The following E2F2 variants were observed in gnomAD, a reference collection of about 807,000 sequenced individuals.
E2F2 encodes transcription factor E2F2.
E2F2 carries 22 observed loss-of-function variants against 42.2 expected under a neutral mutation model. That is an observed-to-expected ratio of 0.52 (90% CI 0.37 to 0.74). E2F2 has a LOEUF of 0.74. Ranked by LOEUF, E2F2 falls within the 30% of genes least tolerant of loss-of-function variation. The pLI is 0.00. For synonymous variants in E2F2, 248 were observed against 251.6 expected (o/e 0.99, Z 0.13); for missense variants, 481 against 557.8 (o/e 0.86, Z 1.39).
At position 23,530,004 on chromosome 1, in the gene E2F2, G is replaced by C. The variant is rs925844520; in HGVS notation, c.252+538C>G. ...TGCTACATGGCTGTCTGGGAGGGAA[G>C]ACTGGGCCTGGGGGAGGACCTAGGG... On this transcript the variant is annotated intron_variant, in intron 1 of 6. Coordinates refer to ENST00000361729, the MANE Select transcript of E2F2 (RefSeq NM_004091.4). This position sits in a 1 kb window ranked among gnomAD's most constrained non-coding sequence, Gnocchi z 4.4. Among the ~76,000 whole-genome samples the C allele has an allele frequency of 4.0e-4, 61 of 152,340 alleles. No individual in the cohort carries two copies. The highest frequency in any genetic ancestry group is 3.4e-3 in the Middle Eastern group (1 of 294).
Position 23,509,989 on chromosome 1 carries a change from C to T in E2F2, c.1205G>A (p.Ser402Asn). ...GTCCTGGTCCAAGGATGGGGAGAAG[C>T]TGATCAGAGGGGAGCTGCACGCCAG... ...PTLACSSPLI[S>N]FSPSLDQDDY... Residue 402 changes from serine (S) to asparagine (N), a missense_variant, in exon 7 of 7, where the codon AGC (serine) becomes AAC (asparagine). Physicochemically the swap from Ser to Asn is conservative, Grantham distance 46. Transcript: ENST00000361729. The T allele has an allele frequency of 6.2e-7, 1 of 1,613,570 alleles. No individual in the cohort carries two copies. The highest frequency in any genetic ancestry group is 8.5e-7 in the Non-Finnish European group (1 of 1,179,798).
chr1:23,513,508 G>A (rs530736723), intron 6 of E2F2, among the ~76,000 whole-genome samples: 17 of 151,592 alleles, frequency 1.1e-4, no homozygotes, highest in Admixed American at 3.3e-4. Flanking sequence ...TCTCTTACAT[G>A]GCTTCTGGCA....
chr1:23,510,240 C>G (rs1450062876), intron 6 of E2F2, 92 bp from the exon 7 acceptor site: 1 of 1,436,092 alleles, frequency 7.0e-7, no homozygotes. Context: ...ATGACTGCAC[C>G]CTTCTTCTCT....
At chr1:23,524,266 C>G (rs1000825324) in intron 2 of E2F2, 117 bp downstream of exon 2, 2 of 790,272 alleles carry the variant, frequency 2.5e-6, no homozygotes, top group South Asian at 4.3e-5. Flanking sequence ...TAATAAAATA[C>G]GCAGGAAGCT....
intron 5 of E2F2, among the ~76,000 whole-genome samples, chr1:23,517,728 G>A (rs2811973): frequency 1.4e-3 from 220 of 152,310 alleles, no homozygotes; most frequent in African/African-American, 4.0e-3. Flanking sequence ...TAAAGGCAGC[G>A]GAAAAGCACA....
chr1:23,528,339 C>G (rs534155600), intron 1 of E2F2, among the ~76,000 whole-genome samples: 4 of 152,190 alleles, frequency 2.6e-5, no homozygotes, highest in Non-Finnish European at 5.9e-5. Context: ...ACTTTGCAGC[C>G]CGGCCACAAA....
chr1:23,527,531 G>C (rs1643271549), intron 1 of E2F2, among the ~76,000 whole-genome samples: 1 of 152,230 alleles, frequency 6.6e-6, no homozygotes. Flanking sequence ...AGATCACCAG[G>C]CACAACCCCC....
Position 23,531,066 on chromosome 1 carries a change from C to T in E2F2, c.-273G>A. On this transcript the variant is annotated 5_prime_UTR_variant, in exon 1 of 7. Coordinates refer to ENST00000361729, the MANE Select transcript of E2F2 (RefSeq NM_004091.4). ...GTCCCGAGGGCACCGCGACCCGGGACGCCCCGCGCTCCCCAAGGCCTCGGC... is the reference window on the plus strand; with the variant it reads ...GTCCCGAGGGCACCGCGACCCGGGATGCCCCGCGCTCCCCAAGGCCTCGGC... The T allele has an allele frequency of 2.8e-6, 1 of 361,800 alleles. No homozygotes were observed. Among genetic ancestry groups the T allele is most frequent in the South Asian group, 1.1e-4 (1 of 9,162 alleles). The allele number at this position is 361,800 out of a possible 1,614,324, so 22.4% of individuals were successfully genotyped here.
chr1:23,527,251 C>T (rs759465972), intron 1 of E2F2, among the ~76,000 whole-genome samples: 1 of 152,228 alleles, frequency 6.6e-6, no homozygotes, highest in Non-Finnish European at 1.5e-5. Flanking sequence ...GGAGTGCCCC[C>T]ACCAGGGAGC....
At chr1:23,519,550 C>T (rs1234508356) in intron 4 of E2F2, among the ~76,000 whole-genome samples, 1 of 152,222 alleles carries the variant, frequency 6.6e-6, no homozygotes, top group African/African-American at 2.4e-5. Context: ...AGAGCCTTAG[C>T]AAAGTCCATG....
At chr1:23,519,935 G>A (rs1294263032) in intron 4 of E2F2, among the ~76,000 whole-genome samples, 16 of 151,946 alleles carry the variant, frequency 1.1e-4, no homozygotes, top group Non-Finnish European at 2.2e-4. Context: ...AAAATTAGCC[G>A]GGTGTGGTGG....
chr1:23,509,097 T>C lies in E2F2; in HGVS notation c.*783A>G, dbSNP rs1368627539. ...GGACTTCCTCAGGAAAGGGGTCTCC[T>C]GAGCAGGTGGCTCCTGTTTCCACAG... On this transcript the variant is annotated 3_prime_UTR_variant, in exon 7 of 7. Coordinates refer to ENST00000361729, the MANE Select transcript of E2F2 (RefSeq NM_004091.4). 1 of 152,136 alleles carries C rather than the reference T, an allele frequency of 6.6e-6. No individual in the cohort carries two copies. The highest frequency in any genetic ancestry group is 2.4e-5 in the African/African-American group (1 of 41,426). The allele number at this position is 152,136 out of a possible 1,614,324, so 9.4% of individuals were successfully genotyped here. A position where few individuals can be genotyped will look rare whatever the true frequency, so the allele number is the denominator to read the frequency against.
intron 5 of E2F2, among the ~76,000 whole-genome samples, chr1:23,517,869 A>G (rs963849837): frequency 6.6e-6 from 1 of 152,194 alleles, no homozygotes; most frequent in African/African-American, 2.4e-5. Context: ...GGGGAAGAGC[A>G]TGTATGAGGG....
downstream of E2F2, among the ~76,000 whole-genome samples, chr1:23,505,544 G>A (rs1028815644): frequency 3.9e-5 from 6 of 152,020 alleles, no homozygotes; most frequent in Middle Eastern, 6.8e-3. Flanking sequence ...ACGGAGTCTC[G>A]CTCTGTTGCC....
rs1170552614 is a variant in E2F2 at position 23,506,943 on chromosome 1, G to C, written c.*2937C>G. 6.6e-6 allele frequency: 1 copy of C among 152,230 alleles called. No individual in the cohort carries two copies. 9.4% of individuals were successfully genotyped at this position (152,230 alleles called of 1,614,324 possible). On this transcript the variant is annotated 3_prime_UTR_variant, in exon 7 of 7. Coordinates refer to ENST00000361729, the MANE Select transcript of E2F2 (RefSeq NM_004091.4). ...CTTCCTCCCTGAAGGCACACCAGCC[G>C]ATCCCATTACTGTGGAAAAGGGACA...
chr1:23,521,039 G>A lies in E2F2; in HGVS notation c.611C>T (p.Pro204Leu). 1.9e-6 allele frequency: 3 copies of A among 1,613,206 alleles called. No homozygotes were observed. Among genetic ancestry groups the A allele is most frequent in the Non-Finnish European group, 2.5e-6 (3 of 1,179,576 alleles). The stretch of plus-strand genomic sequence containing the variant: ...CTGCCCCAGCTGTTGCTGCTTCCCA[G>A]GTCTGGTGGGGTCTTCAAACATTCC... ...GRGMFEDPTR[P>L]GKQQQLGQEL... is the part of the protein sequence containing the mutation. Residue 204 changes from proline (P) to leucine (L), a missense_variant, in exon 4 of 7, where the codon CCT becomes CTT. By Grantham distance (98) the Pro-to-Leu change is moderately conservative (BLOSUM62 -3). Coordinates refer to ENST00000361729, the MANE Select transcript of E2F2 (RefSeq NM_004091.4).
At chr1:23,522,331 A>G (rs187384471) in intron 2 of E2F2, among the ~76,000 whole-genome samples, 19 of 152,370 alleles carry the variant, frequency 1.2e-4, no homozygotes, top group Admixed American at 1.2e-3. Context: ...ACCACAGCTT[A>G]GGGCTGCCAG....
intron 2 of E2F2, 85 bp downstream of exon 2, chr1:23,524,298 C>T: frequency 2.9e-6 from 3 of 1,052,318 alleles, no homozygotes; most frequent in Non-Finnish European, 4.0e-6. Context: ...GAAAGTGATC[C>T]AAATATGACT....
rs1362402170 is a variant in E2F2, at chr1:23,516,264, C to T, written c.1045+71G>A. 2.9e-6 allele frequency: 4 copies of T among 1,399,860 alleles called. No individual in the cohort carries two copies. In the Admixed American group the frequency reaches 1.0e-4, roughly 36 times the overall value. The allele number at this position is 1,399,860 out of a possible 1,614,324, so 86.7% of individuals were successfully genotyped here. On this transcript the variant is annotated intron_variant, in intron 6 of 6. Coordinates refer to ENST00000361729, the MANE Select transcript of E2F2 (RefSeq NM_004091.4). Reference sequence around the variant, plus strand: ...GATAAAACAGGAGGTTTTCAACAAACATTGATATAGAAGAGAAAACTAAGG... The same window carrying T: ...GATAAAACAGGAGGTTTTCAACAAATATTGATATAGAAGAGAAAACTAAGG...
Sources: gnomAD v4.1 joint callset for allele counts (sites outside exome capture counted in the v4.1 genomes callset) on GRCh38, gnomAD v4.1.1 for gene constraint, Gnocchi (gnomAD v3.1) non-coding constraint, MANE v1.5 for transcripts, NCBI Gene and HGNC (gene_info 2026-07-23, HGNC 2026-07-21) for gene names.